ZNF83: variants seen among roughly 807,000 people sequenced by gnomAD.
ZNF83 encodes the protein zinc finger protein 83.
For synonymous variants in ZNF83, 209 were observed against 213.0 expected (o/e 0.98, Z 0.17); for missense variants, 552 against 629.9 (o/e 0.88, Z 1.32).
At chr19:52,673,275 T>A (rs1342473124) in intron 1 of ZNF83, among the ~76,000 whole-genome samples, 2 of 152,150 alleles carry the variant, frequency 1.3e-5, no homozygotes, top group Admixed American at 1.3e-4. Context: ...GGAGCCAAGA[T>A]GGGTGGATCC....
chr19:52,688,454 A>G (rs1037664285), intron 1 of ZNF83, among the ~76,000 whole-genome samples: 20 of 151,838 alleles, frequency 1.3e-4, no homozygotes, highest in African/African-American at 4.6e-4. Flanking sequence ...GATTACAGGC[A>G]TGAACCACTG....
At chr19:52,618,417 A>G in intron 2 of ZNF83, 1 of 154,742 alleles carries the variant, frequency 6.5e-6, no homozygotes, top group South Asian at 2.0e-4. Context: ...CCACCACCAC[A>G]CCCGGCTAAT....
chr19:52,615,035 T>C (rs1370448730), intron 2 of ZNF83, among the ~76,000 whole-genome samples: 3 of 152,152 alleles, frequency 2.0e-5, no homozygotes, highest in African/African-American at 7.2e-5. Context: ...AAGAAACCTA[T>C]GGCCAAACCA....
chr19:52,655,828 T>C, intron 2 of ZNF83: 2 of 506,052 alleles, frequency 4.0e-6, no homozygotes, highest in South Asian at 2.8e-5. Context: ...TGAACATTTC[T>C]TTTTGTGCAG....
chr19:52,671,354 CATCAAT>C (rs2147311990), intron 1 of ZNF83, among the ~76,000 whole-genome samples: 1 of 152,270 alleles, frequency 6.6e-6, no homozygotes, highest in African/African-American at 2.4e-5. Context: ...AATATGCTAA[CATCAAT>C]AATTTATAAA....
At chr19:52,628,922 T>C (rs1250416977) in intron 2 of ZNF83, among the ~76,000 whole-genome samples, 1 of 151,876 alleles carries the variant, frequency 6.6e-6, no homozygotes, top group Non-Finnish European at 1.5e-5. Flanking sequence ...CCTGACCTCA[T>C]ATCTCTGTGC....
intron 1 of ZNF83, among the ~76,000 whole-genome samples, chr19:52,667,828 A>T (rs2061674971): frequency 6.6e-6 from 1 of 152,232 alleles, no homozygotes; most frequent in Admixed American, 6.5e-5. Context: ...ATATGTCTAC[A>T]AGGTTTTATT....
At chr19:52,670,357 A>T (rs2061708683) in intron 1 of ZNF83, among the ~76,000 whole-genome samples, 1 of 152,198 alleles carries the variant, frequency 6.6e-6, no homozygotes, top group Non-Finnish European at 1.5e-5. Flanking sequence ...CCTCGCCAAT[A>T]GGGGAATGAC....
intron 2 of ZNF83, among the ~76,000 whole-genome samples, chr19:52,633,822 A>T (rs1156755219): frequency 6.6e-6 from 1 of 152,150 alleles, no homozygotes; most frequent in Admixed American, 6.5e-5. Context: ...AGGAAGGCGA[A>T]TCACTTGAAC....
At chr19:52,669,491 G>A (rs1363475576) in intron 1 of ZNF83, among the ~76,000 whole-genome samples, 1 of 152,176 alleles carries the variant, frequency 6.6e-6, no homozygotes, top group East Asian at 1.9e-4. Context: ...AGATGTCTTG[G>A]GAAAATGGGA....
At chr19:52,659,947 C>T (rs2061557152) in intron 2 of ZNF83, among the ~76,000 whole-genome samples, 1 of 152,106 alleles carries the variant, frequency 6.6e-6, no homozygotes. Flanking sequence ...AATCCCACGA[C>T]CTTGGGAGGC....
intron 3 of ZNF83, chr19:52,654,190 A>C (rs754149021): frequency 7.6e-5 from 121 of 1,599,464 alleles, no homozygotes; most frequent in Non-Finnish European, 1.0e-4. Context: ...ACTACCAGTC[A>C]ACTTTTTGAT....
intron 2 of ZNF83, among the ~76,000 whole-genome samples, chr19:52,626,460 T>G (rs1016233059): frequency 6.6e-6 from 1 of 152,196 alleles, no homozygotes; most frequent in Non-Finnish European, 1.5e-5. Context: ...GCCCAGAAAT[T>G]TGCCAACCAG....
At chr19:52,632,003 A>T (rs1228880173) in intron 2 of ZNF83, among the ~76,000 whole-genome samples, 2 of 151,878 alleles carry the variant, frequency 1.3e-5, no homozygotes, top group Non-Finnish European at 2.9e-5. Context: ...AATTAGCTTT[A>T]CTCAACGTGC....
chr19:52,639,427 T>TTTTTC (rs1568556818), upstream of ZNF83, among the ~76,000 whole-genome samples: 26 of 143,830 alleles, frequency 1.8e-4, no homozygotes, highest in Admixed American at 5.7e-4. Context: ...TTTTTTTTTT[T>TTTTTC]TTTTTTTTTG....
At chr19:52,633,765 C>T (rs1004421684) in intron 2 of ZNF83, among the ~76,000 whole-genome samples, 1 of 151,346 alleles carries the variant, frequency 6.6e-6, no homozygotes, top group Admixed American at 6.6e-5. Context: ...ACAAAATTAG[C>T]CGGGCATGGT....
chr19:52,657,159 A>G (rs1793024969), intron 2 of ZNF83, among the ~76,000 whole-genome samples: 1 of 151,796 alleles, frequency 6.6e-6, no homozygotes, highest in African/African-American at 2.4e-5. Flanking sequence ...TTAAGAGACA[A>G]CTTCAAGAAA....
intron 1 of ZNF83, among the ~76,000 whole-genome samples, chr19:52,662,544 T>G (rs1444210273): frequency 6.6e-6 from 1 of 152,182 alleles, no homozygotes; most frequent in East Asian, 1.9e-4. Context: ...TACCTGTTTT[T>G]TCCATTCTGG....
At chr19:52,656,990 G>T (rs1375499180) in intron 2 of ZNF83, among the ~76,000 whole-genome samples, 1 of 151,914 alleles carries the variant, frequency 6.6e-6, no homozygotes, top group Non-Finnish European at 1.5e-5. Context: ...ACCTAGAGAG[G>T]ACACATCCAC....
Sources: allele counts gnomAD v4.1 joint callset (sites outside exome capture counted in the v4.1 genomes callset), GRCh38; gene constraint gnomAD v4.1.1; transcripts MANE v1.5; gene names NCBI Gene and HGNC (gene_info 2026-07-23, HGNC 2026-07-21).